Variants in KGD4 observed in about 807,000 individuals in gnomAD.
KGD4 encodes the protein alpha-ketoglutarate dehydrogenase subunit 4, also known as alpha-ketoglutarate dehydrogenase component 4.
the KGD4 span, chr5:69,229,334 GA>G: frequency 7.0e-6 from 6 of 852,908 alleles, no homozygotes; most frequent in South Asian, 3.7e-5. Flanking sequence ...TAAATATTAT[GA>G]AAAAAATGAA....
the KGD4 span, among the ~76,000 whole-genome samples, chr5:69,220,784 T>TA: frequency 1.3e-5 from 2 of 152,130 alleles, no homozygotes; most frequent in African/African-American, 2.4e-5. Context: ...ATCAGATTGT[T>TA]ACTGTGTCTG....
the KGD4 span, among the ~76,000 whole-genome samples, chr5:69,223,067 T>C: frequency 3.4e-5 from 4 of 117,524 alleles, no homozygotes; most frequent in Non-Finnish European, 1.7e-5. Flanking sequence ...TGAGTCACGG[T>C]GCGCAGCTTT....
chr5:69,218,470 A>ATGTGTGTGTG, the KGD4 span, among the ~76,000 whole-genome samples: 2,415 of 148,604 alleles, frequency 0.016, 54 homozygotes, highest in Admixed American at 0.042. Flanking sequence ...GTGTATATTA[A>ATGTGTGTGTG]TGTGTGTGTG....
chr5:69,218,441 GT>G, the KGD4 span, among the ~76,000 whole-genome samples: 1 of 147,832 alleles, frequency 6.8e-6, no homozygotes, highest in Non-Finnish European at 1.5e-5. Context: ...GTAAACTTAA[GT>G]TTAATTAGTA....
the KGD4 span, chr5:69,217,795 G>A: frequency 6.2e-7 from 1 of 1,613,022 alleles, no homozygotes; most frequent in Non-Finnish European, 8.5e-7. Flanking sequence ...GCCGCGGCTC[G>A]CTCGCGCCCC....
At chr5:69,226,440 T>C in the KGD4 span, 1 of 1,317,140 alleles carries the variant, frequency 7.6e-7, no homozygotes, top group Non-Finnish European at 1.1e-6. Context: ...TAAAATTGTG[T>C]ACATGAATAT....
chr5:69,224,717 T>C, the KGD4 span, among the ~76,000 whole-genome samples: 51,410 of 151,806 alleles, frequency 0.34, 10,400 homozygotes, highest in Non-Finnish European at 0.46. Flanking sequence ...TAAGGCCACA[T>C]CATGCCAGTG....
At chr5:69,226,416 A>G in the KGD4 span, 1 of 1,539,958 alleles carries the variant, frequency 6.5e-7, no homozygotes. Context: ...GTTGTATTTT[A>G]TTTAAATTTC....
the KGD4 span, chr5:69,228,458 C>T: frequency 7.1e-7 from 1 of 1,412,792 alleles, no homozygotes; most frequent in Non-Finnish European, 9.7e-7. Flanking sequence ...ATTTCATTTG[C>T]TGATTTACAT....
chr5:69,222,903 G>T, the KGD4 span, among the ~76,000 whole-genome samples: 1 of 151,008 alleles, frequency 6.6e-6, no homozygotes, highest in Non-Finnish European at 1.5e-5. Flanking sequence ...AGCCTCCCGA[G>T]TAGCTGGGAT....
the KGD4 span, among the ~76,000 whole-genome samples, chr5:69,218,821 A>G: frequency 2.6e-5 from 4 of 152,310 alleles, no homozygotes; most frequent in East Asian, 7.7e-4. Context: ...CTGAATGATA[A>G]TCCTAGATCC....
chr5:69,224,935 G>A, the KGD4 span, among the ~76,000 whole-genome samples: 15 of 151,816 alleles, frequency 9.9e-5, no homozygotes, highest in South Asian at 6.2e-4. Context: ...CTAGCCGGGC[G>A]TGGTGGCACG....
chr5:69,228,272 A>T, the KGD4 span: 1 of 1,610,518 alleles, frequency 6.2e-7, no homozygotes, highest in African/African-American at 1.3e-5. Flanking sequence ...AAAGGAAGTA[A>T]ATCACCAGAT....
chr5:69,218,153 C>CA, the KGD4 span: 1,128 of 523,972 alleles, frequency 2.2e-3, 16 homozygotes, highest in African/African-American at 0.02. Context: ...GCTCCTCCGC[C>CA]AGGACCTTGT....
chr5:69,223,557 G>A, the KGD4 span, among the ~76,000 whole-genome samples: 90 of 90,404 alleles, frequency 1.0e-3, 1 homozygote, highest in African/African-American at 3.6e-3. Flanking sequence ...TAAATATATT[G>A]CAGATAAACC....
At chr5:69,223,411 G>A in the KGD4 span, among the ~76,000 whole-genome samples, 2 of 104,478 alleles carry the variant, frequency 1.9e-5, no homozygotes, top group African/African-American at 7.1e-5. Flanking sequence ...ACTTGAGCAT[G>A]ATTTTATGGT....
chr5:69,229,416 C>G, the KGD4 span: 1 of 527,332 alleles, frequency 1.9e-6, no homozygotes, highest in Non-Finnish European at 3.3e-6. Context: ...CACAAGCTTA[C>G]CTAATTGTTT....
At chr5:69,219,863 T>C in the KGD4 span, among the ~76,000 whole-genome samples, 1 of 152,270 alleles carries the variant, frequency 6.6e-6, no homozygotes, top group African/African-American at 2.4e-5. Context: ...TATTATGTAA[T>C]AATTACATAT....
the KGD4 span, among the ~76,000 whole-genome samples, chr5:69,224,585 GAAATAACACTCAAA>G: frequency 6.6e-6 from 1 of 151,902 alleles, no homozygotes; most frequent in Non-Finnish European, 1.5e-5. Context: ...ATATAGTAGG[GAAATAACACTCAAA>G]ACAAGTCAGG....
Sources: gnomAD v4.1 joint callset for allele counts (sites outside exome capture counted in the v4.1 genomes callset) on GRCh38, gnomAD v4.1.1 for gene constraint, MANE v1.5 for transcripts, NCBI Gene and HGNC (gene_info 2026-07-23, HGNC 2026-07-21) for gene names.